Variants in PDZRN4 observed in about 807,000 individuals in gnomAD.
PDZRN4 encodes the protein PDZ domain containing ring finger 4.
Under a neutral mutation model 99.0 loss-of-function variants are expected in PDZRN4, and 70 were observed. That is an observed-to-expected ratio of 0.71 (90% CI 0.58 to 0.86). The LOEUF (loss-of-function observed/expected upper bound fraction) is 0.86. PDZRN4 is among the 40% of genes least tolerant of loss of function. The probability of loss-of-function intolerance (pLI) is 0.00; values close to 1 mark genes in which losing one functional copy is unlikely to be tolerated. For missense variants in PDZRN4, 1,474 were observed against 1,331.2 expected (o/e 1.11, Z -1.67); for synonymous variants, 551 against 501.6 (o/e 1.10, Z -1.32).
chr12:41,358,784 T>G (rs1476219027), intron 3 of PDZRN4, among the ~76,000 whole-genome samples: 1 of 152,016 alleles, frequency 6.6e-6, no homozygotes, highest in Non-Finnish European at 1.5e-5. Context: ...ATCTTCCAGT[T>G]GCTTGAGTGA....
At chr12:41,388,880 T>A (rs1020667500) in intron 3 of PDZRN4, among the ~76,000 whole-genome samples, 6 of 152,080 alleles carry the variant, frequency 3.9e-5, no homozygotes, top group African/African-American at 1.2e-4. Context: ...CTATCATGAG[T>A]TTTTAAGAGT....
At chr12:41,248,376 G>A (rs967926644) in intron 3 of PDZRN4, among the ~76,000 whole-genome samples, 15 of 152,108 alleles carry the variant, frequency 9.9e-5, no homozygotes, top group African/African-American at 3.1e-4. Context: ...TAGGTTTTAC[G>A]AATTACACAT....
intron 3 of PDZRN4, among the ~76,000 whole-genome samples, chr12:41,309,875 G>C (rs999496487): frequency 1.3e-5 from 2 of 151,966 alleles, no homozygotes; most frequent in African/African-American, 4.8e-5. Flanking sequence ...ATCCAACATG[G>C]TTGTAGAAAG....
At chr12:41,308,517 G>T (rs1951586187) in intron 3 of PDZRN4, among the ~76,000 whole-genome samples, 1 of 152,156 alleles carries the variant, frequency 6.6e-6, no homozygotes, top group Admixed American at 6.5e-5. Flanking sequence ...GAAGCAAGAA[G>T]TCTCAGGAAG....
At chr12:41,408,584 A>G (rs1952366175) in intron 3 of PDZRN4, among the ~76,000 whole-genome samples, 1 of 152,202 alleles carries the variant, frequency 6.6e-6, no homozygotes, top group Non-Finnish European at 1.5e-5. Context: ...AGAAGATGGA[A>G]AGATTATATG....
intron 3 of PDZRN4, among the ~76,000 whole-genome samples, chr12:41,406,363 A>T (rs1369134824): frequency 1.3e-5 from 2 of 152,218 alleles, no homozygotes; most frequent in Non-Finnish European, 2.9e-5. Context: ...AATGTATAAA[A>T]GAAAAAATCA....
intron 3 of PDZRN4, among the ~76,000 whole-genome samples, chr12:41,234,101 C>T (rs1951049558): frequency 6.6e-6 from 1 of 151,934 alleles, no homozygotes; most frequent in Non-Finnish European, 1.5e-5. Flanking sequence ...AAAAGCCAAC[C>T]TTTGGAAAGC....
chr12:41,559,345 T>C (rs771443038), intron 7 of PDZRN4, among the ~76,000 whole-genome samples: 1 of 152,228 alleles, frequency 6.6e-6, no homozygotes, highest in Non-Finnish European at 1.5e-5. Context: ...TCCTTCACAG[T>C]TCTGTCTGCT....
At chr12:41,247,033 C>A (rs977438900) in intron 3 of PDZRN4, among the ~76,000 whole-genome samples, 60 of 151,898 alleles carry the variant, frequency 4.0e-4, no homozygotes, top group African/African-American at 1.4e-3. Flanking sequence ...TCAAATTCAA[C>A]AAATATATTG....
chr12:41,461,824 C>G (rs1592069096), intron 3 of PDZRN4, among the ~76,000 whole-genome samples: 1 of 152,076 alleles, frequency 6.6e-6, no homozygotes, highest in East Asian at 1.9e-4. Context: ...GAACTTTCAG[C>G]AGATGCTTTA....
At chr12:41,270,665 T>C (rs1951309358) in intron 3 of PDZRN4, among the ~76,000 whole-genome samples, 2 of 152,148 alleles carry the variant, frequency 1.3e-5, no homozygotes, top group African/African-American at 4.8e-5. Flanking sequence ...TAAATGTACT[T>C]ACTTTTGTAG....
At chr12:41,240,636 C>T (rs1341425178) in intron 3 of PDZRN4, among the ~76,000 whole-genome samples, 2 of 152,158 alleles carry the variant, frequency 1.3e-5, no homozygotes, top group African/African-American at 2.4e-5. Context: ...ATTTATTTCT[C>T]ACAGTTCTGG....
chr12:41,555,554 T>C (rs1939142448), intron 6 of PDZRN4, 144 bp from the exon 7 acceptor site: 2 of 583,188 alleles, frequency 3.4e-6, no homozygotes, highest in African/African-American at 3.7e-5. Context: ...ATGAGTTTTG[T>C]TGGAGAGAAA....
chr12:41,543,482 T>C (rs573976132), intron 5 of PDZRN4, among the ~76,000 whole-genome samples: 9 of 152,264 alleles, frequency 5.9e-5, no homozygotes, highest in Admixed American at 3.3e-4. Context: ...CAAAAAGCAA[T>C]TGGGACTACA....
At position 41,565,604 on chromosome 12, in the gene PDZRN4, G is replaced by A. The variant is rs560776906; in HGVS notation, c.1467+1955G>A. 3.3e-5 allele frequency among the ~76,000 whole-genome samples: 5 copies of A among 151,580 alleles called. No individual in the cohort carries two copies. In the South Asian group the frequency reaches 6.3e-4, roughly 19 times the overall value. On this transcript the variant is annotated intron_variant, in intron 8 of 9. Coordinates refer to ENST00000402685, the MANE Select transcript of PDZRN4 (RefSeq NM_001164595.2). ...CTAGCTTTTTTTAAACATTTTTAAC[G>A]TTTCAAATACTCTCTAGATTCTTGG...
chr12:41,413,745 T>C (rs1952418358), intron 3 of PDZRN4, among the ~76,000 whole-genome samples: 1 of 152,166 alleles, frequency 6.6e-6, no homozygotes, highest in Non-Finnish European at 1.5e-5. Context: ...AGCAGATAGC[T>C]ATGTCTTGTT....
chr12:41,270,320 G>T (rs1263044407), intron 3 of PDZRN4, among the ~76,000 whole-genome samples: 2 of 132,066 alleles, frequency 1.5e-5, no homozygotes, highest in African/African-American at 5.7e-5. Flanking sequence ...TGGTGTGTGT[G>T]TGTGTCTGTG....
At chr12:41,254,922 CAAAAAAT>C (rs1210268044) in intron 3 of PDZRN4, among the ~76,000 whole-genome samples, 2 of 151,790 alleles carry the variant, frequency 1.3e-5, no homozygotes, top group Admixed American at 6.6e-5. Context: ...CCAGTATCTA[CAAAAAAT>C]AAAAAATAAA....
intron 3 of PDZRN4, among the ~76,000 whole-genome samples, chr12:41,368,785 A>T (rs1952020023): frequency 6.6e-6 from 1 of 152,128 alleles, no homozygotes; most frequent in African/African-American, 2.4e-5. Context: ...TGTATACATT[A>T]GCTCATCTCC....
Sources: allele counts gnomAD v4.1 joint callset (sites outside exome capture counted in the v4.1 genomes callset), GRCh38; gene constraint gnomAD v4.1.1; transcripts MANE v1.5; gene names NCBI Gene and HGNC (gene_info 2026-07-23, HGNC 2026-07-21).